NHLRC2: variants seen among roughly 807,000 people sequenced by gnomAD.
The protein encoded by NHLRC2 is NHL repeat-containing protein 2.
A neutral mutation model predicts 68.1 loss-of-function variants in NHLRC2; 33 were observed. The observed-to-expected ratio is 0.48, with a 90% CI of 0.37 to 0.65. The LOEUF (loss-of-function observed/expected upper bound fraction) is 0.65, where lower values mean the gene tolerates loss of function less well. Among genes scored for constraint, NHLRC2 ranks in the 30% least tolerant of loss-of-function variants. The pLI is 0.00. For missense variants in NHLRC2, 761 were observed against 853.8 expected (o/e 0.89, Z 1.35); for synonymous variants, 311 against 309.6 (o/e 1.00, Z -0.05).
At chr10:113,866,607 T>C (rs921037932) in intron 2 of NHLRC2, among the ~76,000 whole-genome samples, 5 of 152,132 alleles carry the variant, frequency 3.3e-5, no homozygotes, top group African/African-American at 1.2e-4. Context: ...ATATAGTATA[T>C]GCTTTTTTCT....
chr10:113,867,410 A>G (rs1312853379), intron 2 of NHLRC2, among the ~76,000 whole-genome samples: 1 of 152,246 alleles, frequency 6.6e-6, no homozygotes, highest in East Asian at 1.9e-4. Context: ...CAACAGCCTG[A>G]TATCAGTGTT....
At chr10:113,863,953 T>G (rs978469834) in intron 2 of NHLRC2, among the ~76,000 whole-genome samples, 1 of 152,208 alleles carries the variant, frequency 6.6e-6, no homozygotes, top group African/African-American at 2.4e-5. Context: ...CTGGTAGCAT[T>G]ATTCTCAATA....
At chr10:113,907,355 A>G (rs935342760) in intron 10 of NHLRC2, among the ~76,000 whole-genome samples, 2 of 152,206 alleles carry the variant, frequency 1.3e-5, no homozygotes, top group East Asian at 1.9e-4. Flanking sequence ...ATTTCATCAC[A>G]CTCAGTAGGT....
intron 5 of NHLRC2, among the ~76,000 whole-genome samples, chr10:113,893,094 T>G (rs1846146932): frequency 6.6e-6 from 1 of 152,050 alleles, no homozygotes; most frequent in South Asian, 2.1e-4. Flanking sequence ...AAAGACATTA[T>G]CCAACCATAG....
Position 113,911,722 on chromosome 10 carries a change from ATAGT to A in NHLRC2, c.*3190_*3193del, listed in dbSNP as rs777892345. On this transcript the variant is annotated 3_prime_UTR_variant, in exon 11 of 11. Transcript: ENST00000369301. The stretch of plus-strand genomic sequence containing the variant: ...TTTATGTCTACCAGTTAAAAATACG[ATAGT>A]TAGATTTGGCATCACGTTTAACCAC... 4.6e-5 allele frequency: 7 copies of A among 152,170 alleles called. No individual in the cohort carries two copies. The highest frequency in any genetic ancestry group is 8.8e-5 in the Non-Finnish European group (6 of 67,990). 9.4% of individuals were successfully genotyped at this position (152,170 alleles called of 1,614,324 possible). A position where few individuals can be genotyped will look rare whatever the true frequency, so the allele number is the denominator to read the frequency against.
At chr10:113,864,037 G>A (rs1845840657) in intron 2 of NHLRC2, among the ~76,000 whole-genome samples, 1 of 152,150 alleles carries the variant, frequency 6.6e-6, no homozygotes. Flanking sequence ...TGCATACAGT[G>A]GAATGTTATT....
intron 2 of NHLRC2, among the ~76,000 whole-genome samples, chr10:113,870,832 A>T (rs902711552): frequency 2.6e-5 from 4 of 152,052 alleles, no homozygotes; most frequent in Non-Finnish European, 4.4e-5. Flanking sequence ...TACCAATCTA[A>T]TAGATAGGAA....
In NHLRC2 at chr10:113,912,273, C is replaced by T. The variant is rs1255088744; in HGVS notation, c.*3737C>T. On this transcript the variant is annotated 3_prime_UTR_variant, in exon 11 of 11. Transcript: ENST00000369301. ...AAACTGGTAATTATTAGCTTAGTTACTGTAATGATAATTTGGGACCATAAA... is the reference window on the plus strand; with the variant it reads ...AAACTGGTAATTATTAGCTTAGTTATTGTAATGATAATTTGGGACCATAAA... The T allele has an allele frequency of 6.6e-6, 1 of 152,126 alleles. No homozygotes were observed. Among genetic ancestry groups the T allele is most frequent in the Non-Finnish European group, 1.5e-5 (1 of 68,030 alleles). The allele number at this position is 152,126 out of a possible 1,614,324, so 9.4% of individuals were successfully genotyped here. A position where few individuals can be genotyped will look rare whatever the true frequency, so the allele number is the denominator to read the frequency against.
Position 113,854,786 on chromosome 10 carries a change from T to A in NHLRC2, c.-87T>A. On this transcript the variant is annotated 5_prime_UTR_variant, in exon 1 of 11. It introduces an in-frame stop codon into an upstream open reading frame of the 5' UTR. Transcript: ENST00000369301. ...TGGAGGGTGAGGTGAATGCGCCGTT[T>A]GGAAACCACAGGACAGTGAACGTTT... The A allele has an allele frequency of 1.7e-6, 2 of 1,187,626 alleles. No individual in the cohort carries two copies. The highest frequency in any genetic ancestry group is 2.3e-6 in the Non-Finnish European group (2 of 862,916). The allele number at this position is 1,187,626 out of a possible 1,614,324, so 73.6% of individuals were successfully genotyped here. A position where few individuals can be genotyped will look rare whatever the true frequency, so the allele number is the denominator to read the frequency against.
chr10:113,902,735 C>G, intron 8 of NHLRC2, 142 bp downstream of exon 8: 2 of 707,450 alleles, frequency 2.8e-6, no homozygotes, highest in Non-Finnish European at 4.7e-6. Context: ...CCAGCCTGTT[C>G]TGCTCTTTTC....
intron 2 of NHLRC2, 143 bp from the exon 3 acceptor site, chr10:113,876,378 T>G: frequency 2.1e-6 from 1 of 483,866 alleles, no homozygotes; most frequent in South Asian, 4.4e-5. Context: ...TAAAATGCAG[T>G]TGAAGATCCC....
chr10:113,865,003 G>T (rs1845851711), intron 2 of NHLRC2, among the ~76,000 whole-genome samples: 13 of 151,218 alleles, frequency 8.6e-5, no homozygotes, highest in Admixed American at 8.6e-4. Flanking sequence ...AGGCTGGAGT[G>T]CAATGGCGCC....
chr10:113,885,515 G>A (rs1247744798), intron 5 of NHLRC2, among the ~76,000 whole-genome samples: 1 of 151,856 alleles, frequency 6.6e-6, no homozygotes, highest in African/African-American at 2.4e-5. Flanking sequence ...AATAATTTCA[G>A]GGCTAAATCT....
intron 6 of NHLRC2, among the ~76,000 whole-genome samples, chr10:113,899,853 A>G (rs1846212869): frequency 6.6e-6 from 1 of 152,058 alleles, no homozygotes; most frequent in Non-Finnish European, 1.5e-5. Flanking sequence ...AGGAGGCGGA[A>G]GGTTGCAGTG....
At chr10:113,893,316 C>T (rs1240796821) in intron 5 of NHLRC2, among the ~76,000 whole-genome samples, 1 of 152,098 alleles carries the variant, frequency 6.6e-6, no homozygotes. Flanking sequence ...CCAAATAGTT[C>T]CTTCATTCTC....
intron 5 of NHLRC2, among the ~76,000 whole-genome samples, chr10:113,885,977 T>C (rs1298993219): frequency 2.0e-5 from 3 of 152,002 alleles, no homozygotes; most frequent in African/African-American, 7.2e-5. Flanking sequence ...ATGACATGAT[T>C]TTATATGTAG....
At chr10:113,893,763 G>A (rs1423205529) in intron 5 of NHLRC2, among the ~76,000 whole-genome samples, 1 of 152,134 alleles carries the variant, frequency 6.6e-6, no homozygotes, top group Non-Finnish European at 1.5e-5. Context: ...CCTGTTTGGA[G>A]AACTAGATAA....
chr10:113,856,644 G>C (rs1331283072), intron 1 of NHLRC2, among the ~76,000 whole-genome samples: 2 of 152,074 alleles, frequency 1.3e-5, no homozygotes, highest in Non-Finnish European at 2.9e-5. Flanking sequence ...TGTATTTACA[G>C]GGAGTGTATT....
intron 1 of NHLRC2, among the ~76,000 whole-genome samples, chr10:113,857,724 T>G (rs1196884612): frequency 1.3e-5 from 2 of 152,150 alleles, no homozygotes; most frequent in Admixed American, 6.5e-5. Context: ...CTTTCTTTTT[T>G]TGGAGGAAAG....
Sources: allele counts gnomAD v4.1 joint callset (sites outside exome capture counted in the v4.1 genomes callset), GRCh38; gene constraint gnomAD v4.1.1; transcripts MANE v1.5; gene names NCBI Gene and HGNC (gene_info 2026-07-23, HGNC 2026-07-21).